PPFIBP1: variants seen among roughly 807,000 people sequenced by gnomAD.
The protein encoded by PPFIBP1 is liprin-beta-1.
In PPFIBP1, 112 loss-of-function variants were observed where a neutral mutation model predicts 137.8. The ratio of observed to expected loss-of-function variants is 0.81; its 90% CI spans 0.70 to 0.95. The LOEUF is 0.95. Among genes scored for constraint, PPFIBP1 ranks in the 40% least tolerant of loss-of-function variants. The probability of loss-of-function intolerance (pLI) is 0.00; values close to 1 mark genes in which losing one functional copy is unlikely to be tolerated. For synonymous variants in PPFIBP1, 378 were observed against 417.3 expected (o/e 0.91, Z 1.15); for missense variants, 1,083 against 1,196.6 (o/e 0.91, Z 1.40).
chr12:27,589,777 A>C (rs2052262871), intron 2 of PPFIBP1, among the ~76,000 whole-genome samples: 1 of 152,182 alleles, frequency 6.6e-6, no homozygotes, highest in Non-Finnish European at 1.5e-5. Context: ...AAATAATAAA[A>C]CTGGTTGCAA....
chr12:27,586,045 T>C (rs16932216), intron 2 of PPFIBP1, among the ~76,000 whole-genome samples: 22,133 of 152,244 alleles, frequency 0.15, 1,946 homozygotes, highest in South Asian at 0.25. Flanking sequence ...GAATTGTGTG[T>C]CAGCAACTAG....
chr12:27,593,306 G>T, intron 2 of PPFIBP1: 2 of 356,134 alleles, frequency 5.6e-6, no homozygotes, highest in South Asian at 2.3e-5. Context: ...GTATCACTTC[G>T]GGCCCCTTGG....
intron 2 of PPFIBP1, chr12:27,599,494 T>TA (rs1204791291): frequency 2.2e-6 from 1 of 455,860 alleles, no homozygotes; most frequent in Non-Finnish European, 4.4e-6. Context: ...GCCAATTCCT[T>TA]AAAATCTCTC....
intron 1 of PPFIBP1, among the ~76,000 whole-genome samples, chr12:27,545,120 A>C (rs1251936342): frequency 1.3e-5 from 2 of 152,174 alleles, no homozygotes; most frequent in Non-Finnish European, 2.9e-5. Context: ...ATTCTCAGCA[A>C]ACTAACACAG....
chr12:27,624,285 T>C (rs939219126), intron 2 of PPFIBP1, among the ~76,000 whole-genome samples: 1 of 152,222 alleles, frequency 6.6e-6, no homozygotes, highest in Admixed American at 6.5e-5. Flanking sequence ...ACTTATTCAG[T>C]GACCTTGAAC....
At chr12:27,671,661 G>A in intron 14 of PPFIBP1, 115 bp downstream of exon 14, 2 of 602,052 alleles carry the variant, frequency 3.3e-6, no homozygotes, top group Non-Finnish European at 5.8e-6. Context: ...GCAAGAAACT[G>A]CAAGATGTCC....
At chr12:27,686,946 A>G (rs1156463127) in intron 24 of PPFIBP1, among the ~76,000 whole-genome samples, 1 of 152,178 alleles carries the variant, frequency 6.6e-6, no homozygotes, top group African/African-American at 2.4e-5. Flanking sequence ...GCTCTTCACT[A>G]TCTGCTGAAA....
intron 2 of PPFIBP1, among the ~76,000 whole-genome samples, chr12:27,624,122 G>C (rs1158135430): frequency 6.6e-6 from 1 of 152,104 alleles, no homozygotes; most frequent in Non-Finnish European, 1.5e-5. Flanking sequence ...ATGGCACAGA[G>C]GTGAGAGGGC....
chr12:27,592,567 G>T, intron 2 of PPFIBP1: 1 of 1,427,838 alleles, frequency 7.0e-7, no homozygotes. Flanking sequence ...GGCTTTCACA[G>T]GATGATACCT....
intron 4 of PPFIBP1, among the ~76,000 whole-genome samples, chr12:27,641,946 A>AAAATAAATAAATAAATAAAT (rs55663709): frequency 5.3e-4 from 79 of 147,900 alleles, no homozygotes; most frequent in African/African-American, 1.9e-3. Context: ...TGCAACTGCA[A>AAAATAAATAAATAAATAAAT]AAATAAATAA....
chr12:27,551,588 T>A (rs1231304155), intron 1 of PPFIBP1, among the ~76,000 whole-genome samples: 1 of 152,234 alleles, frequency 6.6e-6, no homozygotes, highest in Non-Finnish European at 1.5e-5. Context: ...CATTGTGTAA[T>A]GTAAGTCTCT....
intron 1 of PPFIBP1, among the ~76,000 whole-genome samples, chr12:27,558,258 T>TA (rs2048858931): frequency 1.4e-5 from 2 of 141,960 alleles, no homozygotes; most frequent in African/African-American, 5.4e-5. Flanking sequence ...CCTTCTGGGT[T>TA]TTTTTTTTGT....
intron 2 of PPFIBP1, among the ~76,000 whole-genome samples, chr12:27,603,850 A>C (rs539287140): frequency 1.3e-5 from 2 of 152,296 alleles, no homozygotes; most frequent in Admixed American, 6.5e-5. Flanking sequence ...TTCTTTTGGC[A>C]CCATTCTAAA....
intron 19 of PPFIBP1, among the ~76,000 whole-genome samples, chr12:27,678,169 C>CT (rs569310687): frequency 2.6e-4 from 39 of 152,154 alleles, no homozygotes; most frequent in Non-Finnish European, 5.4e-4. Context: ...ACAACTTTTA[C>CT]TTTCTTTTAT....
intron 1 of PPFIBP1, chr12:27,548,392 A>T (rs907759478): frequency 6.6e-6 from 1 of 152,208 alleles, no homozygotes; most frequent in African/African-American, 2.4e-5. Flanking sequence ...ACCTTATGTG[A>T]TATTTTAGTC....
intron 1 of PPFIBP1, among the ~76,000 whole-genome samples, chr12:27,576,968 C>T (rs1330960078): frequency 6.6e-6 from 1 of 152,076 alleles, no homozygotes; most frequent in African/African-American, 2.4e-5. Context: ...GCACCCTAGT[C>T]TTAAAATTGA....
At chr12:27,559,661 A>G (rs1242295525) in intron 1 of PPFIBP1, among the ~76,000 whole-genome samples, 1 of 152,220 alleles carries the variant, frequency 6.6e-6, no homozygotes, top group African/African-American at 2.4e-5. Flanking sequence ...CACAGTACCA[A>G]AACTCTCTGT....
intron 1 of PPFIBP1, among the ~76,000 whole-genome samples, chr12:27,542,974 T>C (rs936766422): frequency 3.3e-5 from 5 of 152,126 alleles, no homozygotes; most frequent in African/African-American, 1.2e-4. Flanking sequence ...AGAGCAACAT[T>C]AAAAAAGAAG....
rs1195980160 is a variant in PPFIBP1, at chr12:27,625,772, T to TA, written c.-35-7589dup. Among the ~76,000 whole-genome samples, 4 of 151,922 alleles carry TA rather than the reference T, an allele frequency of 2.6e-5. No individual in the cohort carries two copies. The East Asian group carries it at 7.8e-4, about 30-fold the overall frequency. Reference sequence around the variant, plus strand: ...CTAATTTTTGTATTTTTAGTAGAGATAGAGTTTCCCCATGTTGGCCAGGCT... The same window carrying TA: ...CTAATTTTTGTATTTTTAGTAGAGATAAGAGTTTCCCCATGTTGGCCAGGCT... On this transcript the variant is annotated intron_variant, in intron 2 of 29. Coordinates refer to ENST00000228425, the MANE Select transcript of PPFIBP1 (RefSeq NM_003622.4).
Sources: gnomAD v4.1 joint callset for allele counts (sites outside exome capture counted in the v4.1 genomes callset) on GRCh38, gnomAD v4.1.1 for gene constraint, MANE v1.5 for transcripts, NCBI Gene and HGNC (gene_info 2026-07-23, HGNC 2026-07-21) for gene names.